PCDH15: variants seen among roughly 807,000 people sequenced by gnomAD.
The protein encoded by PCDH15 is protocadherin-15.
Under a neutral mutation model 178.5 loss-of-function variants are expected in PCDH15, and 129 were observed. The observed-to-expected ratio is 0.72, with a 90% CI of 0.63 to 0.84. The LOEUF is 0.84. Among genes scored for constraint, PCDH15 ranks in the 40% least tolerant of loss-of-function variants. PCDH15 has a pLI of 0.00. For synonymous variants in PCDH15, 800 were observed against 732.0 expected, an observed-to-expected ratio of 1.09 and a Z score of -1.50; for missense variants, 2,230 against 2,099.9, an observed-to-expected ratio of 1.06 and a Z score of -1.21.
intron 18 of PCDH15, among the ~76,000 whole-genome samples, chr10:54,042,128 A>G (rs1477338599): frequency 1.3e-5 from 2 of 152,102 alleles, no homozygotes; most frequent in Non-Finnish European, 2.9e-5. Flanking sequence ...GCAGCTTTCT[A>G]TAACAATTTC....
chr10:55,334,221 CATATATATATATATAT>C (rs34468887), intron 2 of PCDH15, among the ~76,000 whole-genome samples: 5 of 62,854 alleles, frequency 8.0e-5, no homozygotes, highest in African/African-American at 5.5e-4. Context: ...TAGGGTGCTC[CATATATATATATATAT>C]ATATATGTGT....
chr10:53,859,080 A>T (rs779826764), intron 27 of PCDH15, among the ~76,000 whole-genome samples: 9 of 151,888 alleles, frequency 5.9e-5, no homozygotes, highest in Non-Finnish European at 1.3e-4. Context: ...GTTAAAAAAA[A>T]GTTTTGATAA....
At chr10:54,292,560 T>C (rs1362872528) in intron 8 of PCDH15, among the ~76,000 whole-genome samples, 1 of 152,214 alleles carries the variant, frequency 6.6e-6, no homozygotes, top group African/African-American at 2.4e-5. Context: ...CATGATTGCA[T>C]ATTTAGAAAG....
chr10:55,376,097 T>C (rs12784587), intron 2 of PCDH15, among the ~76,000 whole-genome samples: 53,803 of 151,766 alleles, frequency 0.35, 9,828 homozygotes, highest in Non-Finnish European at 0.41. Context: ...CAGAATATAT[T>C]AGATGATAAC....
chr10:54,766,849 G>A (rs1948569482), intron 1 of PCDH15, among the ~76,000 whole-genome samples: 1 of 151,820 alleles, frequency 6.6e-6, no homozygotes, highest in Admixed American at 6.6e-5. Flanking sequence ...AGAATGACGT[G>A]AACCCCGGAG....
intron 13 of PCDH15, among the ~76,000 whole-genome samples, chr10:54,172,216 G>A (rs1475311824): frequency 6.6e-6 from 1 of 152,054 alleles, no homozygotes; most frequent in African/African-American, 2.4e-5. Context: ...TAAATGGCCA[G>A]TCCTTGCCTT....
intron 2 of PCDH15, among the ~76,000 whole-genome samples, chr10:55,361,418 C>G (rs369096112): frequency 6.6e-6 from 1 of 151,896 alleles, no homozygotes; most frequent in Non-Finnish European, 1.5e-5. Flanking sequence ...TGTAGTCTAA[C>G]GAACTTGTAA....
rs80259828 is a variant in PCDH15 at position 55,339,006 on chromosome 10, G to A, written c.-155-172355C>T. ...GCTTGGAAGAGTAGCTGGTAGAGGG[G>A]GTAAAGATAGGATGGCTAGTGGGTA... On this transcript the variant is annotated intron_variant, in intron 2 of 5. Transcript: ENST00000613346. 2.1e-3 allele frequency among the ~76,000 whole-genome samples: 326 copies of A among 152,102 alleles called. 6 individuals are homozygous for A. In the East Asian group the frequency reaches 0.053, roughly 25 times the overall value.
intron 8 of PCDH15, among the ~76,000 whole-genome samples, chr10:54,291,351 A>G (rs770871976): frequency 1.7e-4 from 26 of 152,348 alleles, no homozygotes; most frequent in Non-Finnish European, 3.1e-4. Context: ...ATAGCACTAA[A>G]TGCCCACAAG....
At position 53,809,230 on chromosome 10, in the gene PCDH15, G is replaced by A. The variant is rs754877961; in HGVS notation, c.4671+1326C>T. ...CTCAGACTCTTCTTCACTGTATTCA[G>A]TATAGTCGCTGGAGGATTCCTCCTC... On this transcript the variant is annotated intron_variant, in intron 37 of 37. Coordinates refer to ENST00000644397, the MANE Select transcript of PCDH15 (RefSeq NM_001384140.1). 4.3e-6 allele frequency: 7 copies of A among 1,613,880 alleles called. No individual in the cohort carries two copies. In the East Asian group the frequency reaches 1.6e-4, roughly 36 times the overall value.
At chr10:54,196,734 G>T in intron 10 of PCDH15, among the ~76,000 whole-genome samples, 1 of 152,128 alleles carries the variant, frequency 6.6e-6, no homozygotes, top group East Asian at 1.9e-4. Context: ...CATTTGGAAG[G>T]TGATAAGGTG....
At chr10:55,346,762 T>C (rs1233487653) in intron 2 of PCDH15, among the ~76,000 whole-genome samples, 1 of 152,020 alleles carries the variant, frequency 6.6e-6, no homozygotes, top group Non-Finnish European at 1.5e-5. Flanking sequence ...TAGAGTATTA[T>C]TTCTTGCAGA....
intron 2 of PCDH15, among the ~76,000 whole-genome samples, chr10:55,127,313 T>C (rs1371770802): frequency 1.3e-5 from 2 of 152,078 alleles, no homozygotes; most frequent in Non-Finnish European, 2.9e-5. Context: ...ATATTTTTCC[T>C]ATTGCCTCCA....
intron 2 of PCDH15, among the ~76,000 whole-genome samples, chr10:55,401,594 C>CTCTGTG (rs775201579): frequency 7.5e-6 from 1 of 133,114 alleles, no homozygotes; most frequent in African/African-American, 2.9e-5. Flanking sequence ...ATTTGCCTTA[C>CTCTGTG]TGTGTGTGTG....
Position 54,153,172 on chromosome 10 carries a change from A to G in PCDH15, c.1712T>C (p.Val571Ala), listed in dbSNP as rs780503140. ...TTGLITIAPG[V>A]EMIVGRTYAL... ...GTAAGTCCGCCCGACTATCATTTCC[A>G]CCCCTGGAGCGATGGTGATAAGCCC... The change falls in exon 14 of 38, where the codon GTG (valine) becomes GCG (alanine). Residue 571 changes from valine (V) to alanine (A), a missense_variant. Coordinates refer to ENST00000644397, the MANE Select transcript of PCDH15 (RefSeq NM_001384140.1). 20 of 1,613,598 alleles carry G rather than the reference A, an allele frequency of 1.2e-5. No individual in the cohort carries two copies. The African/African-American group carries it at 2.4e-4, about 19-fold the overall frequency.
chr10:53,858,254 G>A (rs2078884594), intron 27 of PCDH15, among the ~76,000 whole-genome samples: 1 of 152,098 alleles, frequency 6.6e-6, no homozygotes, highest in Non-Finnish European at 1.5e-5. Flanking sequence ...ACAATCTACA[G>A]TAGGGAGTAA....
In PCDH15 at chr10:55,514,538, G is replaced by A. The variant is rs868056675; in HGVS notation, c.-156+113087C>T. 5.3e-5 allele frequency among the ~76,000 whole-genome samples: 8 copies of A among 152,098 alleles called. No homozygotes were observed. In the South Asian group the frequency reaches 6.2e-4, roughly 12 times the overall value. ...ATTGTGCATTTTAATGATTGGGTTC[G>A]GCAAAGCGTAGACAGCCGTGTAAAA... is the stretch of plus-strand genomic sequence containing the variant. On this transcript the variant is annotated intron_variant, in intron 2 of 5. Transcript: ENST00000613346.
intron 8 of PCDH15, among the ~76,000 whole-genome samples, chr10:54,256,083 G>A (rs1372179487): frequency 6.6e-6 from 1 of 152,086 alleles, no homozygotes; most frequent in Non-Finnish European, 1.5e-5. Context: ...CTATTTGGTG[G>A]CCATGCCACC....
At chr10:54,213,506 T>G (rs2051668905) in intron 10 of PCDH15, among the ~76,000 whole-genome samples, 2 of 152,204 alleles carry the variant, frequency 1.3e-5, no homozygotes, top group African/African-American at 2.4e-5. Context: ...GGAAAAATCA[T>G]TAAAAATACA....
Sources: allele counts gnomAD v4.1 joint callset (sites outside exome capture counted in the v4.1 genomes callset), GRCh38; gene constraint gnomAD v4.1.1; transcripts MANE v1.5; gene names NCBI Gene and HGNC (gene_info 2026-07-23, HGNC 2026-07-21).